ASB12: variants seen among roughly 807,000 people sequenced by gnomAD.
The protein encoded by ASB12 is ankyrin repeat and SOCS box protein 12.
In ASB12, 17 loss-of-function variants were observed where a neutral mutation model predicts 13.7. That is an observed-to-expected ratio of 1.24 (90% CI 0.85 to 1.86). The LOEUF is 1.86. Ranked by LOEUF, ASB12 falls within the 40% of genes most tolerant of loss-of-function variation. ASB12 has a pLI of 0.00. For synonymous variants in ASB12, 107 were observed against 99.8 expected, an observed-to-expected ratio of 1.07 and a Z score of -0.43; for missense variants, 329 against 250.5, an observed-to-expected ratio of 1.31 and a Z score of -2.11.
Position 64,224,292 on chromosome X carries a change from G to A in ASB12, c.*43C>T. ...GCTCTCCAGCTACGTGAGTCCCCAG[G>A]TGGTTTTCGGAGGCATCATAAGTTC... is the stretch of plus-strand genomic sequence containing the variant. On this transcript the variant is annotated 3_prime_UTR_variant, in exon 3 of 3. Coordinates refer to ENST00000362002, the MANE Select transcript of ASB12 (RefSeq NM_130388.4). The A allele has an allele frequency of 8.4e-7, 1 of 1,196,288 alleles. No individual in the cohort carries two copies. The highest frequency in any genetic ancestry group is 1.1e-6 in the Non-Finnish European group (1 of 882,996).
At chrX:64,224,723 A>G in intron 2 of ASB12, 105 bp downstream of exon 2, 1 of 1,015,937 alleles carries the variant, frequency 9.8e-7, no homozygotes, top group South Asian at 2.6e-5. Context: ...AGGGAGGAAG[A>G]TGGAGTTTTC....
At chrX:64,230,260 G>A (rs1475477674) in intron 1 of ASB12, among the ~76,000 whole-genome samples, 1 of 111,018 alleles carries the variant, frequency 9.0e-6, no homozygotes, top group African/African-American at 3.3e-5. Context: ...ATCCTCTTGG[G>A]ACACACAAGG....
chrX:64,228,189 C>G (rs1051708700), intron 1 of ASB12, among the ~76,000 whole-genome samples: 5 of 112,252 alleles, frequency 4.5e-5, no homozygotes, highest in Admixed American at 9.4e-5. Flanking sequence ...GCCAATCTCT[C>G]CAGCCTCACT....
chrX:64,225,705 A>G, intron 1 of ASB12, 31 bp from the exon 2 acceptor site: 2 of 1,141,292 alleles, frequency 1.8e-6, no homozygotes, highest in Non-Finnish European at 2.3e-6. Context: ...GGAGAGAATG[A>G]GGGTACCCAT....
Position 64,225,266 on chromosome X carries a change from C to A in ASB12, c.385G>T (p.Gly129Cys), listed in dbSNP as rs912942871. Residue 129 changes from glycine (G) to cysteine (C), a missense_variant, in exon 2 of 3, where the codon GGT becomes TGT. Transcript: ENST00000362002. ...TAGATGCTACCACCAGGAGAGGCAC[C>A]AGCTTCCAAAAGCACACGTACACAG... Reference protein sequence around the residue: ...LDCVRVLLEAGASPGGSIYNN... With the variant: ...LDCVRVLLEACASPGGSIYNN... 1 of 1,211,254 alleles carries A rather than the reference C, an allele frequency of 8.3e-7. No individual in the cohort carries two copies. The highest frequency in any genetic ancestry group is 1.1e-6 in the Non-Finnish European group (1 of 895,301).
chrX:64,229,746 C>T (rs548354230), intron 1 of ASB12, among the ~76,000 whole-genome samples: 1 of 112,274 alleles, frequency 8.9e-6, no homozygotes, highest in African/African-American at 3.2e-5. Context: ...TAATAAATGA[C>T]ATTTCAAGAT....
chrX:64,226,893 G>C (rs1930960256), intron 1 of ASB12: 1 of 289,199 alleles, frequency 3.5e-6, no homozygotes, highest in African/African-American at 2.9e-5. Flanking sequence ...GGGACCTCAG[G>C]TACCTACCTC....
chrX:64,229,615 A>G (rs1203719243), intron 1 of ASB12, among the ~76,000 whole-genome samples: 2 of 112,447 alleles, frequency 1.8e-5, no homozygotes, highest in Non-Finnish European at 3.8e-5. Context: ...AACACATAAA[A>G]TTAAAGGAAA....
At chrX:64,226,170 C>A (rs1346016142) in intron 1 of ASB12, among the ~76,000 whole-genome samples, 3 of 112,518 alleles carry the variant, frequency 2.7e-5, no homozygotes, top group Non-Finnish European at 5.6e-5. Context: ...CTGGCGCTGG[C>A]TAAGCCAATA....
intron 1 of ASB12, among the ~76,000 whole-genome samples, chrX:64,228,623 A>G (rs1204653630): frequency 1.8e-5 from 2 of 112,327 alleles, no homozygotes; most frequent in African/African-American, 3.2e-5. Context: ...AGTAGTTCTC[A>G]GTAACTATTT....
At chrX:64,228,345 C>T (rs770001905) in intron 1 of ASB12, among the ~76,000 whole-genome samples, 180 of 112,440 alleles carry the variant, frequency 1.6e-3, no homozygotes, top group Non-Finnish European at 2.5e-3. Flanking sequence ...AGCACTATAG[C>T]AGTCATCACA....
At chrX:64,229,825 G>C (rs748158285) in intron 1 of ASB12, among the ~76,000 whole-genome samples, 30 of 111,893 alleles carry the variant, frequency 2.7e-4, no homozygotes, top group Non-Finnish European at 4.5e-4. Context: ...ACATGAACTG[G>C]TTATGCTACT....
chrX:64,226,360 A>G (rs1374178441), intron 1 of ASB12, among the ~76,000 whole-genome samples: 1 of 112,611 alleles, frequency 8.9e-6, no homozygotes, highest in Non-Finnish European at 1.9e-5. Flanking sequence ...CATTTCAGGA[A>G]AAGAAGTATT....
chrX:64,228,167 G>C (rs1341959332), intron 1 of ASB12, among the ~76,000 whole-genome samples: 2 of 112,094 alleles, frequency 1.8e-5, no homozygotes, highest in Non-Finnish European at 3.8e-5. Context: ...GGTCCTTCAT[G>C]AATAAATCTT....
In ASB12 at chrX:64,227,949, C is replaced by A. The variant is rs144295873; in HGVS notation, c.-24-2275G>T. Among the ~76,000 whole-genome samples the A allele has an allele frequency of 2.5e-4, 28 of 112,513 alleles. No individual in the cohort carries two copies. The East Asian group carries it at 7.6e-3, about 31-fold the overall frequency. On this transcript the variant is annotated intron_variant, in intron 1 of 2. Transcript: ENST00000362002. ...GCTCTTCAGGGACCATTCTCATTGA[C>A]TATGCTTCATCTAGGCCCCCACTGC...
chrX:64,224,358 T>G lies in ASB12; in HGVS notation c.934A>C (p.Ser312Arg). The stretch of plus-strand genomic sequence containing the variant: ...GATTACAGTTGGTGTTTTAGGTAGC[T>G]AATCAACATGGGAGGAATATCCAGC... ...NQLDIPPMLI[S>R]YLKHQL The change falls in exon 3 of 3, where the codon AGC becomes CGC. Residue 312 changes from serine to arginine, a missense_variant. Transcript: ENST00000362002. 1 of 1,211,130 alleles carries G rather than the reference T, an allele frequency of 8.3e-7. No homozygotes were observed. Among genetic ancestry groups the G allele is most frequent in the East Asian group, 3.0e-5 (1 of 33,790 alleles).
intron 1 of ASB12, 91 bp from the exon 2 acceptor site, chrX:64,225,765 C>A (rs1361885853): frequency 1.0e-6 from 1 of 988,444 alleles, no homozygotes; most frequent in Non-Finnish European, 1.3e-6. Context: ...ATTTCACCAT[C>A]AGGCTACTCA....
rs376621575 is a variant in ASB12, at chrX:64,227,476, C to A, written c.-24-1802G>T. Among the ~76,000 whole-genome samples, 3 of 111,277 alleles carry A rather than the reference C, an allele frequency of 2.7e-5. No homozygotes were observed. In the East Asian group the frequency reaches 8.5e-4, roughly 31 times the overall value. Reference sequence around the variant, plus strand: ...GGATATCTTGAAGATCTTTTCTTCCCTGACTTTTCTGGAATATCTATCCCT... The same window carrying A: ...GGATATCTTGAAGATCTTTTCTTCCATGACTTTTCTGGAATATCTATCCCT... On this transcript the variant is annotated intron_variant, in intron 1 of 2. Transcript: ENST00000362002.
chrX:64,226,808 T>G, intron 1 of ASB12: 1 of 691,659 alleles, frequency 1.4e-6, no homozygotes, highest in Non-Finnish European at 1.7e-6. Context: ...TACTCTCCCA[T>G]ACCCTGCAGC....
Sources: gnomAD v4.1 joint callset for allele counts (sites outside exome capture counted in the v4.1 genomes callset) on GRCh38, gnomAD v4.1.1 for gene constraint, MANE v1.5 for transcripts, NCBI Gene and HGNC (gene_info 2026-07-23, HGNC 2026-07-21) for gene names.